TMEM132D: variants seen among roughly 807,000 people sequenced by gnomAD.
TMEM132D encodes the protein mature OL transmembrane protein.
TMEM132D carries 21 observed loss-of-function variants against 62.3 expected under a neutral mutation model. The ratio of observed to expected loss-of-function variants is 0.34; its 90% CI spans 0.24 to 0.49. TMEM132D has a LOEUF of 0.49. TMEM132D is among the 20% of genes least tolerant of loss of function. The pLI, the probability that TMEM132D is intolerant of heterozygous loss-of-function variation, is 0.99. For missense variants in TMEM132D, 1,346 were observed against 1,402.8 expected (o/e 0.96, Z 0.65); for synonymous variants, 621 against 575.6 (o/e 1.08, Z -1.13).
intron 4 of TMEM132D, among the ~76,000 whole-genome samples, chr12:129,222,646 C>T (rs1013076366): frequency 3.3e-5 from 5 of 152,052 alleles, no homozygotes; most frequent in Non-Finnish European, 7.3e-5. Flanking sequence ...GGAAATACAC[C>T]TCTAATCAAA....
chr12:129,862,224 A>C (rs149096942), intron 1 of TMEM132D, among the ~76,000 whole-genome samples: 4 of 152,206 alleles, frequency 2.6e-5, no homozygotes, highest in Non-Finnish European at 5.9e-5. Context: ...CCAGTTACAG[A>C]ATGGTTTTGA....
intron 2 of TMEM132D, among the ~76,000 whole-genome samples, chr12:129,574,806 T>C (rs1877613338): frequency 6.6e-6 from 1 of 151,776 alleles, no homozygotes; most frequent in African/African-American, 2.4e-5. Flanking sequence ...TGTTCTCAGA[T>C]ATCAAATGAC....
At chr12:129,364,078 A>C (rs1870331966) in intron 3 of TMEM132D, among the ~76,000 whole-genome samples, 1 of 152,210 alleles carries the variant, frequency 6.6e-6, no homozygotes, top group African/African-American at 2.4e-5. Flanking sequence ...TTTAGTGTGG[A>C]AAGTCATTTG....
intron 3 of TMEM132D, among the ~76,000 whole-genome samples, chr12:129,425,221 A>C (rs1872458440): frequency 6.6e-6 from 1 of 152,166 alleles, no homozygotes; most frequent in Non-Finnish European, 1.5e-5. Flanking sequence ...GTTCATGCGC[A>C]GGTTTTTAGG....
At chr12:129,446,141 T>C (rs374662047) in intron 3 of TMEM132D, among the ~76,000 whole-genome samples, 1 of 152,106 alleles carries the variant, frequency 6.6e-6, no homozygotes, top group South Asian at 2.1e-4. Flanking sequence ...TTCTAGCAGC[T>C]GGTGGATGTA....
At chr12:129,361,447 G>C (rs1343810029) in intron 3 of TMEM132D, among the ~76,000 whole-genome samples, 1 of 152,172 alleles carries the variant, frequency 6.6e-6, no homozygotes, top group East Asian at 1.9e-4. Flanking sequence ...ATAGAGAGCA[G>C]CTTTCCCTGC....
chr12:129,443,277 A>G (rs7485362), intron 3 of TMEM132D, among the ~76,000 whole-genome samples: 61,296 of 152,006 alleles, frequency 0.4, 14,363 homozygotes, highest in East Asian at 0.78. Context: ...TCTTTCAGCA[A>G]TGAGATTCTG....
chr12:129,613,450 T>C (rs1320948902), intron 2 of TMEM132D, among the ~76,000 whole-genome samples: 1 of 152,174 alleles, frequency 6.6e-6, no homozygotes, highest in African/African-American at 2.4e-5. Context: ...TTTGCTGTGA[T>C]TGGGGAAGAT....
At chr12:129,706,656 CACTT>C (rs1426198193) in intron 1 of TMEM132D, among the ~76,000 whole-genome samples, 2 of 151,908 alleles carry the variant, frequency 1.3e-5, no homozygotes, top group Non-Finnish European at 2.9e-5. Context: ...AGAATACACT[CACTT>C]AAAGTGTTCA....
intron 2 of TMEM132D, among the ~76,000 whole-genome samples, chr12:129,567,226 T>G (rs2137117040): frequency 6.6e-6 from 1 of 152,366 alleles, no homozygotes; most frequent in East Asian, 1.9e-4. Context: ...TGTGATTTTT[T>G]GATATTGTAA....
rs1234286784 is a variant in TMEM132D, at chr12:129,071,860, C to G, written c.*2015G>C. ...GGCTGCAGTATTCAACAGAACATGA[C>G]ACAGGTAAGAATGGAAAGAAATATG... On this transcript the variant is annotated 3_prime_UTR_variant, in exon 9 of 9. Transcript: ENST00000422113. The G allele has an allele frequency of 1.3e-5, 2 of 152,178 alleles. No homozygotes were observed. The highest frequency in any genetic ancestry group is 2.9e-5 in the Non-Finnish European group (2 of 68,044). 9.4% of individuals were successfully genotyped at this position (152,178 alleles called of 1,614,324 possible). A position where few individuals can be genotyped will look rare whatever the true frequency, so the allele number is the denominator to read the frequency against.
intron 1 of TMEM132D, among the ~76,000 whole-genome samples, chr12:129,791,180 C>A (rs1474377536): frequency 2.6e-5 from 4 of 152,110 alleles, no homozygotes; most frequent in African/African-American, 9.7e-5. Flanking sequence ...TGGTCAGAGG[C>A]AGGGCAGACA....
rs2135658415 is a variant in TMEM132D, at chr12:129,337,803, G to C, written c.1130C>G (p.Ser377Cys). Reference protein sequence around the residue: ...AGSENSADGASYEVMQIDVEV... With the variant: ...AGSENSADGACYEVMQIDVEV... ...CACATCGATCTGCATGACCTCGTAGGAGGCGCCATCCGCACTGGAGAGAAG... is the reference window on the plus strand; with the variant it reads ...CACATCGATCTGCATGACCTCGTAGCAGGCGCCATCCGCACTGGAGAGAAG... The change falls in exon 4 of 9, where the codon TCC (serine) becomes TGC (cysteine). Residue 377 changes from serine to cysteine, a missense_variant. Physicochemically the swap from Ser to Cys is moderately radical, Grantham distance 112 (BLOSUM62 -1). Transcript: ENST00000422113. The C allele has an allele frequency of 6.2e-7, 1 of 1,610,740 alleles. No individual in the cohort carries two copies. The highest frequency in any genetic ancestry group is 8.5e-7 in the Non-Finnish European group (1 of 1,177,964).
intron 3 of TMEM132D, among the ~76,000 whole-genome samples, chr12:129,338,272 T>A (rs1869357501): frequency 6.6e-6 from 1 of 152,090 alleles, no homozygotes; most frequent in Admixed American, 6.5e-5. Flanking sequence ...GTGACACAGT[T>A]GTGTTATTGG....
At chr12:129,088,478 C>T (rs867994511) in intron 5 of TMEM132D, among the ~76,000 whole-genome samples, 7 of 44,500 alleles carry the variant, frequency 1.6e-4, no homozygotes, top group South Asian at 7.7e-4. Context: ...GGGTGTCCTC[C>T]ATGACCGGGT....
intron 1 of TMEM132D, among the ~76,000 whole-genome samples, chr12:129,874,895 T>C (rs1030794531): frequency 6.6e-6 from 1 of 152,164 alleles, no homozygotes; most frequent in Non-Finnish European, 1.5e-5. Flanking sequence ...AGACGGGGTC[T>C]AGAACTCCCG....
chr12:129,572,055 G>C (rs896373274), intron 2 of TMEM132D, among the ~76,000 whole-genome samples: 11 of 152,168 alleles, frequency 7.2e-5, no homozygotes, highest in Non-Finnish European at 1.2e-4. Context: ...CACCCTGCAG[G>C]AACTCAGGAT....
intron 3 of TMEM132D, among the ~76,000 whole-genome samples, chr12:129,520,609 C>T (rs1212414707): frequency 6.6e-6 from 1 of 152,156 alleles, no homozygotes; most frequent in Non-Finnish European, 1.5e-5. Flanking sequence ...TTGTTATTGT[C>T]AGAGTTTCAG....
intron 2 of TMEM132D, among the ~76,000 whole-genome samples, chr12:129,608,889 C>T (rs540926066): frequency 1.6e-4 from 25 of 152,224 alleles, no homozygotes; most frequent in African/African-American, 5.8e-4. Flanking sequence ...CTAGGCCCCA[C>T]CCCAAATTTT....
Sources: allele counts gnomAD v4.1 joint callset (sites outside exome capture counted in the v4.1 genomes callset), GRCh38; gene constraint gnomAD v4.1.1; transcripts MANE v1.5; gene names NCBI Gene and HGNC (gene_info 2026-07-23, HGNC 2026-07-21).